SRD5A2: variants seen among roughly 807,000 people sequenced by gnomAD.
SRD5A2 encodes the protein 3-oxo-5-alpha-steroid 4-dehydrogenase 2.
SRD5A2 carries 30 observed loss-of-function variants against 27.4 expected under a neutral mutation model. The ratio of observed to expected loss-of-function variants is 1.10; its 90% confidence interval spans 0.82 to 1.49. SRD5A2 has a LOEUF of 1.49. Ranked by LOEUF, SRD5A2 falls within the 40% of genes most tolerant of loss-of-function variation. The pLI, the probability that SRD5A2 is intolerant of heterozygous loss-of-function variation, is 0.00. For synonymous variants in SRD5A2, 141 were observed against 133.6 expected (o/e 1.06, Z -0.38); for missense variants, 348 against 323.4 (o/e 1.08, Z -0.58).
intron 1 of SRD5A2, among the ~76,000 whole-genome samples, chr2:31,553,943 T>A (rs1454141999): frequency 6.6e-6 from 1 of 152,130 alleles, no homozygotes; most frequent in Non-Finnish European, 1.5e-5. Flanking sequence ...TAGTAAGTTT[T>A]GATAAGAGAA....
the SRD5A2 span, among the ~76,000 whole-genome samples, chr2:31,592,373 C>T: frequency 1.3e-4 from 20 of 152,276 alleles, no homozygotes; most frequent in African/African-American, 4.8e-4. Context: ...GACAGCTTCA[C>T]TGCTAGCATA....
the SRD5A2 span, among the ~76,000 whole-genome samples, chr2:31,590,383 G>C: frequency 6.6e-6 from 1 of 152,106 alleles, no homozygotes; most frequent in Non-Finnish European, 1.5e-5. Flanking sequence ...TCCTTGAAGA[G>C]ATCCTTCACG....
At chr2:31,575,339 C>A (rs1044775537) in intron 1 of SRD5A2, among the ~76,000 whole-genome samples, 4 of 152,298 alleles carry the variant, frequency 2.6e-5, no homozygotes, top group African/African-American at 9.6e-5. Context: ...CCCTAACTGA[C>A]CCAACCTTTT....
intron 1 of SRD5A2, among the ~76,000 whole-genome samples, chr2:31,573,388 G>C (rs765680885): frequency 6.6e-6 from 1 of 152,222 alleles, no homozygotes; most frequent in Non-Finnish European, 1.5e-5. Flanking sequence ...ATGTTGAGCT[G>C]AGTCTCGTTA....
At chr2:31,548,031 T>C (rs530003400) in intron 1 of SRD5A2, among the ~76,000 whole-genome samples, 1 of 152,260 alleles carries the variant, frequency 6.6e-6, no homozygotes, top group South Asian at 2.1e-4. Flanking sequence ...CTGGGAAAAC[T>C]GGATATCCAT....
At chr2:31,615,471 C>T in the SRD5A2 span, among the ~76,000 whole-genome samples, 1 of 152,134 alleles carries the variant, frequency 6.6e-6, no homozygotes, top group Non-Finnish European at 1.5e-5. Flanking sequence ...TGGCATTTTC[C>T]CCCTGCCCTG....
At chr2:31,607,505 A>G in the SRD5A2 span, among the ~76,000 whole-genome samples, 7 of 148,980 alleles carry the variant, frequency 4.7e-5, no homozygotes, top group Non-Finnish European at 4.5e-5. Context: ...AAAATACTGG[A>G]AAAAAAAAAG....
At chr2:31,527,267 C>T (rs529130668) in intron 4 of SRD5A2, among the ~76,000 whole-genome samples, 10 of 152,182 alleles carry the variant, frequency 6.6e-5, no homozygotes, top group East Asian at 3.9e-4. Context: ...TTGATGCTGG[C>T]GGTCCTCAAG....
the SRD5A2 span, among the ~76,000 whole-genome samples, chr2:31,604,158 G>A: frequency 6.6e-6 from 1 of 151,758 alleles, no homozygotes; most frequent in South Asian, 2.1e-4. Flanking sequence ...ATATATGACA[G>A]ACTCACAGCT....
the SRD5A2 span, among the ~76,000 whole-genome samples, chr2:31,658,458 C>T: frequency 7.3e-5 from 11 of 151,614 alleles, no homozygotes; most frequent in Admixed American, 3.3e-4. Context: ...TAATATTGAT[C>T]GACCACTAGC....
At chr2:31,583,641 AAAAAAAAAACC>A (rs1381538339), upstream of SRD5A2, among the ~76,000 whole-genome samples, 4 of 26,494 alleles carry the variant, frequency 1.5e-4, no homozygotes, top group African/African-American at 4.8e-4. Context: ...AAAAAAAAGC[AAAAAAAAAACC>A]AAAAAAAAAG....
chr2:31,555,847 G>A (rs1028071013), intron 1 of SRD5A2, among the ~76,000 whole-genome samples: 2 of 152,130 alleles, frequency 1.3e-5, no homozygotes, highest in Non-Finnish European at 2.9e-5. Context: ...CATGCAGCCT[G>A]TAGTCCTAGC....
At position 31,526,186 on chromosome 2, in the gene SRD5A2, T is replaced by C; in HGVS notation, c.*10A>G. The C allele has an allele frequency of 6.4e-7, 1 of 1,559,404 alleles. No individual in the cohort carries two copies. The highest frequency in any genetic ancestry group is 1.2e-5 in the South Asian group (1 of 85,228). On this transcript the variant is annotated 3_prime_UTR_variant, in exon 5 of 5. Coordinates refer to ENST00000622030, the MANE Select transcript of SRD5A2 (RefSeq NM_000348.4). ...TTGTGGGAGCTCTGCTCCTTTTTAATTTGGTTCCTTTAAAAGATGAATGGA... is the reference window on the plus strand; with the variant it reads ...TTGTGGGAGCTCTGCTCCTTTTTAACTTGGTTCCTTTAAAAGATGAATGGA...
intron 1 of SRD5A2, among the ~76,000 whole-genome samples, chr2:31,567,044 G>C (rs1278036671): frequency 6.6e-6 from 1 of 151,992 alleles, no homozygotes; most frequent in Non-Finnish European, 1.5e-5. Context: ...CACAGATATA[G>C]TCCATGCAAC....
At chr2:31,615,004 C>A in the SRD5A2 span, among the ~76,000 whole-genome samples, 1 of 152,184 alleles carries the variant, frequency 6.6e-6, no homozygotes, top group Non-Finnish European at 1.5e-5. Flanking sequence ...GGTTCCCATT[C>A]TCTCTTGCCT....
intron 1 of SRD5A2, among the ~76,000 whole-genome samples, chr2:31,578,395 G>T (rs534874572): frequency 6.6e-6 from 1 of 152,086 alleles, no homozygotes; most frequent in African/African-American, 2.4e-5. Context: ...CTGATTCCTC[G>T]TTATTGTGTG....
chr2:31,559,693 G>A (rs1666574862), intron 1 of SRD5A2, among the ~76,000 whole-genome samples: 1 of 152,196 alleles, frequency 6.6e-6, no homozygotes, highest in South Asian at 2.1e-4. Flanking sequence ...AGATATGAAA[G>A]TAAGGTGAAT....
chr2:31,633,832 C>G, the SRD5A2 span, among the ~76,000 whole-genome samples: 1 of 152,164 alleles, frequency 6.6e-6, no homozygotes, highest in Non-Finnish European at 1.5e-5. Flanking sequence ...CCTTTAAACA[C>G]AGGGCTTGCA....
chr2:31,582,140 T>C (rs1572376140), upstream of SRD5A2, among the ~76,000 whole-genome samples: 2 of 152,212 alleles, frequency 1.3e-5, no homozygotes, highest in Non-Finnish European at 2.9e-5. Flanking sequence ...CTCTGGTCCC[T>C]ACTTGGGGCT....
Sources: allele counts gnomAD v4.1 joint callset (sites outside exome capture counted in the v4.1 genomes callset), GRCh38; gene constraint gnomAD v4.1.1; transcripts MANE v1.5; gene names NCBI Gene and HGNC (gene_info 2026-07-23, HGNC 2026-07-21).